Variants in CNTN4 observed in about 807,000 individuals in gnomAD.
CNTN4 encodes contactin-4.
CNTN4 carries 77 observed loss-of-function variants against 122.5 expected under a neutral mutation model. That is an observed-to-expected ratio of 0.63 (90% CI 0.52 to 0.76). The LOEUF (loss-of-function observed/expected upper bound fraction) is 0.76. Ranked by LOEUF, CNTN4 falls within the 30% of genes least tolerant of loss-of-function variation. CNTN4 has a pLI of 0.00. For synonymous variants in CNTN4, 512 were observed against 447.0 expected (o/e 1.15, Z -1.83); for missense variants, 1,256 against 1,259.1 (o/e 1.00, Z 0.04).
At chr3:2,682,267 A>G (rs1478927690) in intron 4 of CNTN4, among the ~76,000 whole-genome samples, 1 of 152,210 alleles carries the variant, frequency 6.6e-6, no homozygotes, top group Non-Finnish European at 1.5e-5. Flanking sequence ...TTTTGCCCTC[A>G]AGGCGGTTCT....
chr3:2,798,201 A>G (rs2092250679), intron 6 of CNTN4, among the ~76,000 whole-genome samples: 1 of 151,662 alleles, frequency 6.6e-6, no homozygotes, highest in African/African-American at 2.4e-5. Context: ...TTCTCTTAAG[A>G]TAATGGCCTT....
intron 4 of CNTN4, among the ~76,000 whole-genome samples, chr3:2,705,886 TAATATATAA>T (rs2086692581): frequency 1.3e-5 from 1 of 75,202 alleles, no homozygotes; most frequent in Non-Finnish European, 2.4e-5. Flanking sequence ...ATTTTTTATA[TAATATATAA>T]AATATATATT....
intron 2 of CNTN4, among the ~76,000 whole-genome samples, chr3:2,280,248 C>G (rs1429581125): frequency 1.3e-5 from 2 of 152,180 alleles, no homozygotes; most frequent in African/African-American, 4.8e-5. Flanking sequence ...GCGTGAGCCA[C>G]TGCACCCAGT....
intron 4 of CNTN4, among the ~76,000 whole-genome samples, chr3:2,693,288 A>C (rs888512769): frequency 1.3e-5 from 2 of 152,204 alleles, no homozygotes; most frequent in African/African-American, 4.8e-5. Flanking sequence ...CGAAATCCCC[A>C]GATATATCAA....
intron 2 of CNTN4, among the ~76,000 whole-genome samples, chr3:2,158,809 A>G (rs569481406): frequency 6.6e-6 from 1 of 152,342 alleles, no homozygotes; most frequent in South Asian, 2.1e-4. Flanking sequence ...GCAGAAAAGC[A>G]TGGAGTCTGT....
chr3:2,517,083 G>T (rs2077060565), intron 3 of CNTN4, among the ~76,000 whole-genome samples: 1 of 152,098 alleles, frequency 6.6e-6, no homozygotes, highest in Admixed American at 6.6e-5. Flanking sequence ...AAAATATTTT[G>T]CATAGGTATT....
At chr3:2,331,886 C>T (rs569721959) in intron 2 of CNTN4, among the ~76,000 whole-genome samples, 20 of 152,266 alleles carry the variant, frequency 1.3e-4, no homozygotes, top group African/African-American at 4.1e-4. Flanking sequence ...CAGTCCCCTG[C>T]CGCTGGGCTG....
chr3:2,761,018 A>T (rs1261260825), intron 6 of CNTN4, among the ~76,000 whole-genome samples: 1 of 152,210 alleles, frequency 6.6e-6, no homozygotes, highest in Non-Finnish European at 1.5e-5. Context: ...AATAAGCAAG[A>T]GGACCATTTA....
chr3:2,555,182 G>A (rs914511477), intron 3 of CNTN4, among the ~76,000 whole-genome samples: 4 of 152,144 alleles, frequency 2.6e-5, no homozygotes, highest in South Asian at 2.1e-4. Context: ...TTTTAAATCC[G>A]AGTCAACTTC....
intron 7 of CNTN4, among the ~76,000 whole-genome samples, chr3:2,826,556 A>G (rs563523132): frequency 4.9e-4 from 75 of 152,288 alleles, no homozygotes; most frequent in African/African-American, 1.5e-3. Flanking sequence ...TAGCTCTCCC[A>G]TCAACTTGCT....
At chr3:2,770,120 C>T (rs1260495792) in intron 6 of CNTN4, among the ~76,000 whole-genome samples, 5 of 151,856 alleles carry the variant, frequency 3.3e-5, no homozygotes, top group Admixed American at 3.3e-4. Flanking sequence ...ACCTCCAACT[C>T]CCTGGTTCAA....
intron 12 of CNTN4, among the ~76,000 whole-genome samples, chr3:2,910,840 A>G (rs769854872): frequency 1.3e-5 from 2 of 152,180 alleles, no homozygotes; most frequent in Admixed American, 6.5e-5. Context: ...AAGATAGTCA[A>G]AAGGGAAGCC....
At chr3:2,436,603 T>C (rs1014036567) in intron 3 of CNTN4, among the ~76,000 whole-genome samples, 28 of 152,034 alleles carry the variant, frequency 1.8e-4, no homozygotes, top group African/African-American at 5.8e-4. Flanking sequence ...TAGAAAGGAA[T>C]CCTTTGTGAT....
At chr3:2,189,801 G>A (rs756601960) in intron 2 of CNTN4, among the ~76,000 whole-genome samples, 2 of 152,006 alleles carry the variant, frequency 1.3e-5, no homozygotes, top group Non-Finnish European at 1.5e-5. Context: ...CTCTAATAAC[G>A]AACTTTCAGT....
At chr3:2,584,455 G>T (rs113153922) in intron 4 of CNTN4, among the ~76,000 whole-genome samples, 6 of 152,184 alleles carry the variant, frequency 3.9e-5, no homozygotes, top group African/African-American at 1.4e-4. Flanking sequence ...TGTAATTCCA[G>T]CACTTTGTGA....
chr3:2,264,317 G>C (rs913470480), intron 2 of CNTN4, among the ~76,000 whole-genome samples: 5 of 151,950 alleles, frequency 3.3e-5, no homozygotes, highest in African/African-American at 1.2e-4. Flanking sequence ...TTCTAAGTGG[G>C]GTGAGGTTAT....
intron 3 of CNTN4, among the ~76,000 whole-genome samples, chr3:2,399,346 T>C (rs2046755981): frequency 6.6e-6 from 1 of 152,100 alleles, no homozygotes; most frequent in Non-Finnish European, 1.5e-5. Context: ...CCATTGTAAC[T>C]TCTGTGGCCA....
chr3:2,629,123 A>G (rs918837305), intron 4 of CNTN4, among the ~76,000 whole-genome samples: 7 of 152,156 alleles, frequency 4.6e-5, no homozygotes, highest in African/African-American at 1.7e-4. Flanking sequence ...AAATGTGACT[A>G]TGAGGTCATA....
intron 3 of CNTN4, among the ~76,000 whole-genome samples, chr3:2,565,304 A>T (rs932982197): frequency 1.3e-5 from 2 of 152,178 alleles, no homozygotes; most frequent in African/African-American, 4.8e-5. Context: ...CAATTAACAC[A>T]TATTTTCTCA....
Sources: gnomAD v4.1 joint callset for allele counts (sites outside exome capture counted in the v4.1 genomes callset) on GRCh38, gnomAD v4.1.1 for gene constraint, MANE v1.5 for transcripts, NCBI Gene and HGNC (gene_info 2026-07-23, HGNC 2026-07-21) for gene names.